PTPRK: variants seen among roughly 807,000 people sequenced by gnomAD.
PTPRK encodes protein tyrosine phosphatase receptor type K.
A neutral mutation model predicts 178.0 loss-of-function variants in PTPRK; 75 were observed. The ratio of observed to expected loss-of-function variants is 0.42; its 90% CI spans 0.35 to 0.51. The LOEUF is 0.51. Ranked by LOEUF, PTPRK falls within the 20% of genes least tolerant of loss-of-function variation. PTPRK has a pLI of 0.02. For missense variants in PTPRK, 1,441 were observed against 1,797.8 expected (o/e 0.80, Z 3.59); for synonymous variants, 637 against 620.6 (o/e 1.03, Z -0.39).
chr6:127,983,199 A>T (rs1160692476), intron 23 of PTPRK, 43 bp downstream of exon 23: 2 of 1,486,674 alleles, frequency 1.3e-6, no homozygotes, highest in Non-Finnish European at 1.8e-6. Flanking sequence ...TTGCAAAAAA[A>T]ATAAAAAATA....
chr6:128,363,375 A>T (rs1835037908), intron 2 of PTPRK, among the ~76,000 whole-genome samples: 1 of 152,220 alleles, frequency 6.6e-6, no homozygotes, highest in Admixed American at 6.5e-5. Context: ...GTGACTACAC[A>T]GTACAAATCC....
chr6:128,252,962 T>C (rs1470183954), intron 3 of PTPRK, among the ~76,000 whole-genome samples: 7 of 152,168 alleles, frequency 4.6e-5, no homozygotes, highest in Admixed American at 1.3e-4. Context: ...CTAAAGCCCC[T>C]TTCCATAATT....
intron 2 of PTPRK, among the ~76,000 whole-genome samples, chr6:128,355,186 T>C (rs72974013): frequency 0.14 from 21,707 of 152,244 alleles, 1,789 homozygotes; most frequent in Non-Finnish European, 0.19. Context: ...GATGTGAAGA[T>C]GAAAGTTTTC....
At chr6:128,138,857 C>T (rs1795378150) in intron 7 of PTPRK, among the ~76,000 whole-genome samples, 1 of 151,976 alleles carries the variant, frequency 6.6e-6, no homozygotes, top group Non-Finnish European at 1.5e-5. Context: ...TCTATAATCA[C>T]TTGAGTGCTC....
chr6:128,417,844 C>T (rs965324222), intron 1 of PTPRK, among the ~76,000 whole-genome samples: 11 of 152,218 alleles, frequency 7.2e-5, no homozygotes, highest in South Asian at 2.1e-4. Context: ...GAAAAAGGAA[C>T]GTGGTCCTTT....
chr6:128,064,215 G>C (rs1269293795), intron 13 of PTPRK, among the ~76,000 whole-genome samples: 2 of 152,148 alleles, frequency 1.3e-5, no homozygotes, highest in African/African-American at 4.8e-5. Flanking sequence ...GCCATAATAT[G>C]CCAGGTCAGC....
chr6:128,212,147 C>A (rs1257811942), intron 6 of PTPRK, among the ~76,000 whole-genome samples: 1 of 151,778 alleles, frequency 6.6e-6, no homozygotes, highest in Non-Finnish European at 1.5e-5. Flanking sequence ...AAACCTAAGT[C>A]AAAATTCTGT....
chr6:128,439,108 T>A (rs1433130794), intron 1 of PTPRK, among the ~76,000 whole-genome samples: 1 of 152,126 alleles, frequency 6.6e-6, no homozygotes, highest in Non-Finnish European at 1.5e-5. Context: ...TCTTAGAAGA[T>A]CAGGATTCCA....
At chr6:128,450,211 C>T (rs1053666097) in intron 1 of PTPRK, among the ~76,000 whole-genome samples, 5 of 152,012 alleles carry the variant, frequency 3.3e-5, no homozygotes, top group African/African-American at 1.2e-4. Flanking sequence ...AGTATGCCAC[C>T]TGCTTAAACC....
intron 7 of PTPRK, among the ~76,000 whole-genome samples, chr6:128,110,413 A>G (rs1583049781): frequency 1.3e-5 from 2 of 152,130 alleles, no homozygotes; most frequent in South Asian, 2.1e-4. Flanking sequence ...GTAGTAGCCG[A>G]CGTTTCATTT....
At chr6:128,482,951 A>T (rs1852287435) in intron 1 of PTPRK, among the ~76,000 whole-genome samples, 1 of 152,178 alleles carries the variant, frequency 6.6e-6, no homozygotes, top group Non-Finnish European at 1.5e-5. Flanking sequence ...CACTTGATGC[A>T]CCAACATTGT....
chr6:128,236,726 A>G (rs1813354717), intron 5 of PTPRK, among the ~76,000 whole-genome samples: 1 of 152,070 alleles, frequency 6.6e-6, no homozygotes, highest in Non-Finnish European at 1.5e-5. Flanking sequence ...TGATTTCACC[A>G]TATTTTTAGT....
At chr6:128,302,972 A>T (rs1334439177) in intron 3 of PTPRK, among the ~76,000 whole-genome samples, 2 of 148,092 alleles carry the variant, frequency 1.4e-5, no homozygotes, top group Non-Finnish European at 2.9e-5. Context: ...AACACAAAAC[A>T]TACACACTCA....
intron 1 of PTPRK, among the ~76,000 whole-genome samples, chr6:128,492,018 T>C (rs142925646): frequency 6.6e-6 from 1 of 152,300 alleles, no homozygotes; most frequent in African/African-American, 2.4e-5. Context: ...CCCCTGCCTA[T>C]CTGCCTAAAA....
intron 3 of PTPRK, among the ~76,000 whole-genome samples, chr6:128,291,150 A>C (rs1438307339): frequency 6.6e-6 from 1 of 152,044 alleles, no homozygotes; most frequent in African/African-American, 2.4e-5. Context: ...TAAAAGTAAA[A>C]GAGAAAAATA....
intron 3 of PTPRK, among the ~76,000 whole-genome samples, chr6:128,282,656 C>T (rs927501333): frequency 6.6e-6 from 1 of 152,192 alleles, no homozygotes; most frequent in African/African-American, 2.4e-5. Flanking sequence ...AGTGTATAAA[C>T]ATTTTAACAT....
intron 13 of PTPRK, among the ~76,000 whole-genome samples, chr6:128,050,681 A>C (rs1312508738): frequency 2.0e-5 from 3 of 152,218 alleles, no homozygotes; most frequent in Non-Finnish European, 4.4e-5. Context: ...GCAGGAAACA[A>C]ACTATTACAC....
At chr6:128,115,091 C>T (rs1450818859) in intron 7 of PTPRK, among the ~76,000 whole-genome samples, 1 of 152,038 alleles carries the variant, frequency 6.6e-6, no homozygotes, top group Non-Finnish European at 1.5e-5. Context: ...GCCAATCATC[C>T]CAGGACATAT....
chr6:128,003,707 G>T (rs1349577539), intron 15 of PTPRK, among the ~76,000 whole-genome samples: 2 of 151,746 alleles, frequency 1.3e-5, no homozygotes, highest in Non-Finnish European at 2.9e-5. Context: ...AGTTTGGGAG[G>T]CATGAATGCT....
Sources: gnomAD v4.1 joint callset for allele counts (sites outside exome capture counted in the v4.1 genomes callset) on GRCh38, gnomAD v4.1.1 for gene constraint, MANE v1.5 for transcripts, NCBI Gene and HGNC (gene_info 2026-07-23, HGNC 2026-07-21) for gene names.